MGMT: variants seen among roughly 807,000 people sequenced by gnomAD.
The protein encoded by MGMT is O-6-methylguanine-DNA methyltransferase.
In MGMT, 14 loss-of-function variants were observed where a neutral mutation model predicts 15.9. The ratio of observed to expected loss-of-function variants is 0.88; its 90% CI spans 0.58 to 1.37. The LOEUF (loss-of-function observed/expected upper bound fraction) is 1.37, where lower values mean the gene tolerates loss of function less well. MGMT is among the 40% of genes most tolerant of loss of function. The pLI, the probability that MGMT is intolerant of heterozygous loss-of-function variation, is 0.00. For synonymous variants in MGMT, 130 were observed against 118.2 expected (o/e 1.10, Z -0.65); for missense variants, 282 against 268.1 (o/e 1.05, Z -0.36).
intron 3 of MGMT, among the ~76,000 whole-genome samples, chr10:129,730,357 C>G (rs1447348862): frequency 6.6e-6 from 1 of 152,178 alleles, no homozygotes; most frequent in Non-Finnish European, 1.5e-5. Flanking sequence ...AATGTGTCAT[C>G]TGGAATCAGA....
intron 2 of MGMT, among the ~76,000 whole-genome samples, chr10:129,607,675 T>C (rs1318294172): frequency 6.6e-6 from 1 of 152,232 alleles, no homozygotes; most frequent in Non-Finnish European, 1.5e-5. Context: ...AAATGCCATG[T>C]CAACCCTCTA....
chr10:129,763,518 C>T (rs1445998254), intron 4 of MGMT, among the ~76,000 whole-genome samples: 1 of 152,128 alleles, frequency 6.6e-6, no homozygotes, highest in East Asian at 1.9e-4. Flanking sequence ...CATTGATGTA[C>T]AGGAAGAGGG....
chr10:129,561,506 TAAAC>T (rs1363020642), intron 2 of MGMT, among the ~76,000 whole-genome samples: 2 of 152,202 alleles, frequency 1.3e-5, no homozygotes, highest in Non-Finnish European at 1.5e-5. Flanking sequence ...TCAGAGAAGT[TAAAC>T]AATGCGCCAA....
chr10:129,690,070 C>T (rs567143252), intron 2 of MGMT, among the ~76,000 whole-genome samples: 20 of 152,326 alleles, frequency 1.3e-4, no homozygotes, highest in Middle Eastern at 3.4e-3. Context: ...GAAATTCCCC[C>T]TCTGTCCTTT....
intron 1 of MGMT, among the ~76,000 whole-genome samples, chr10:129,531,209 G>A (rs1845927628): frequency 1.3e-5 from 2 of 152,140 alleles, no homozygotes; most frequent in African/African-American, 4.8e-5. Context: ...GGAGTCAGAC[G>A]TCTTTCTTCC....
intron 2 of MGMT, among the ~76,000 whole-genome samples, chr10:129,625,402 G>A (rs905978237): frequency 6.6e-5 from 10 of 152,204 alleles, no homozygotes; most frequent in Admixed American, 6.5e-5. Flanking sequence ...GCCAAGATGT[G>A]TCAAGGATGT....
At chr10:129,490,507 A>C (rs377333662) in intron 1 of MGMT, among the ~76,000 whole-genome samples, 12 of 78,660 alleles carry the variant, frequency 1.5e-4, no homozygotes, top group African/African-American at 5.6e-4. Context: ...ATTGTTATTA[A>C]GATTATTCTT....
intron 3 of MGMT, among the ~76,000 whole-genome samples, chr10:129,739,333 TATTCA>T (rs1848603552): frequency 6.6e-6 from 1 of 152,080 alleles, no homozygotes; most frequent in Admixed American, 6.5e-5. Flanking sequence ...AAATAAAGGG[TATTCA>T]ATTAGGAAAA....
chr10:129,677,475 ATC>A (rs1426466442), intron 2 of MGMT, among the ~76,000 whole-genome samples: 1 of 152,156 alleles, frequency 6.6e-6, no homozygotes, highest in African/African-American at 2.4e-5. Flanking sequence ...GCCATGCCTC[ATC>A]TCTCTGTTTC....
chr10:129,643,958 G>A (rs1398040293), intron 2 of MGMT, among the ~76,000 whole-genome samples: 1 of 151,996 alleles, frequency 6.6e-6, no homozygotes. Context: ...GGCATTTTAA[G>A]TAGCTTGAGC....
rs142505841 is a variant in MGMT, at chr10:129,712,092, A to T, written c.274+4049A>T. Among the ~76,000 whole-genome samples the T allele has an allele frequency of 3.3e-3, 497 of 152,306 alleles. 1 individual carries two copies. The highest frequency in any genetic ancestry group is 0.011 in the African/African-American group (452 of 41,560). On this transcript the variant is annotated intron_variant, in intron 3 of 4. Coordinates refer to ENST00000651593, the MANE Select transcript of MGMT (RefSeq NM_002412.5). ...AAAAGCAGACCTACGGAAAGCGAGG[A>T]TGGACTTTCAGATACAGAACCCATC...
At chr10:129,623,580 T>G (rs1847113822) in intron 2 of MGMT, among the ~76,000 whole-genome samples, 1 of 152,204 alleles carries the variant, frequency 6.6e-6, no homozygotes, top group Non-Finnish European at 1.5e-5. Flanking sequence ...CTCGCTGTTT[T>G]GCCCAGGATG....
chr10:129,556,288 G>A lies in MGMT; in HGVS notation c.125+19911G>A, dbSNP rs994070024. On this transcript the variant is annotated intron_variant, in intron 2 of 4. Transcript: ENST00000651593. The surrounding 1 kb of genome is among the most constrained non-coding windows in gnomAD (Gnocchi z 4.3). ...GATGTGACAGTATTTTTGAGATAGG[G>A]TCTCTTAGAAAGGTGATTAGGGTAA... 6.6e-6 allele frequency among the ~76,000 whole-genome samples: 1 copy of A among 152,176 alleles called. No homozygotes were observed. Among genetic ancestry groups the A allele is most frequent in the Admixed American group, 6.5e-5 (1 of 15,284 alleles).
chr10:129,472,664 C>T (rs1845245784), intron 1 of MGMT, among the ~76,000 whole-genome samples: 1 of 152,158 alleles, frequency 6.6e-6, no homozygotes, highest in Admixed American at 6.5e-5. Context: ...CAGATTTCTC[C>T]AAAAGCAGGG....
chr10:129,738,412 C>T (rs576618703), intron 3 of MGMT, among the ~76,000 whole-genome samples: 54 of 152,368 alleles, frequency 3.5e-4, no homozygotes, highest in Non-Finnish European at 4.7e-4. Context: ...CCTGCTTTGG[C>T]TCGCGCACGG....
chr10:129,492,819 C>T (rs1176775823), intron 1 of MGMT, among the ~76,000 whole-genome samples: 1 of 152,206 alleles, frequency 6.6e-6, no homozygotes, highest in Non-Finnish European at 1.5e-5. Context: ...CCTGTGGGAA[C>T]ATTGGGCTGC....
In MGMT at chr10:129,768,300, G is replaced by A. The variant is rs1031357984; in HGVS notation, c.*1303G>A. 5.3e-5 allele frequency among the ~76,000 whole-genome samples: 8 copies of A among 152,158 alleles called. No homozygotes were observed. The highest frequency in any genetic ancestry group is 4.8e-5 in the African/African-American group (2 of 41,414). On this transcript the variant is annotated 3_prime_UTR_variant, in exon 5 of 5. Coordinates refer to ENST00000651593, the MANE Select transcript of MGMT (RefSeq NM_002412.5). ...CCTTTCTGGCATCAGCCAAAATCTC[G>A]GTTTTTCCTATGACATGAAGTGATG...
intron 1 of MGMT, among the ~76,000 whole-genome samples, chr10:129,518,186 AG>A (rs1845760209): frequency 6.6e-6 from 1 of 152,012 alleles, no homozygotes; most frequent in African/African-American, 2.4e-5. Flanking sequence ...TTATAATGAT[AG>A]AAAAAAAATT....
chr10:129,494,142 A>G (rs542375598), intron 1 of MGMT, among the ~76,000 whole-genome samples: 49 of 152,360 alleles, frequency 3.2e-4, no homozygotes, highest in Non-Finnish European at 1.5e-4. Context: ...TTGAGAAGTC[A>G]AAACACAGGG....
Sources: gnomAD v4.1 joint callset for allele counts (sites outside exome capture counted in the v4.1 genomes callset) on GRCh38, gnomAD v4.1.1 for gene constraint, Gnocchi (gnomAD v3.1) non-coding constraint, MANE v1.5 for transcripts, NCBI Gene and HGNC (gene_info 2026-07-23, HGNC 2026-07-21) for gene names.